The following LRIG2 variants were observed in gnomAD, a reference collection of about 807,000 sequenced individuals.
LRIG2 encodes the protein leucine-rich repeats and immunoglobulin-like domains protein 2.
Under a neutral mutation model 107.8 loss-of-function variants are expected in LRIG2, and 93 were observed. That is an observed-to-expected ratio of 0.86 (90% CI 0.73 to 1.03). The LOEUF is 1.03. LRIG2 is among the 50% of genes least tolerant of loss of function. LRIG2 has a pLI of 0.00. For synonymous variants in LRIG2, 471 were observed against 470.6 expected (o/e 1.00, Z -0.01); for missense variants, 1,226 against 1,296.0 (o/e 0.95, Z 0.83).
At chr1:113,105,454 A>G (rs1654501275) in intron 11 of LRIG2, among the ~76,000 whole-genome samples, 1 of 152,174 alleles carries the variant, frequency 6.6e-6, no homozygotes, top group African/African-American at 2.4e-5. Flanking sequence ...AATGGAAAGT[A>G]TTTTAAAATT....
chr1:113,129,291 C>CA lies in LRIG2; in HGVS notation c.*5191dup, dbSNP rs1348892155. 46 of 114,782 alleles carry CA rather than the reference C, an allele frequency of 4.0e-4. No homozygotes were observed. Among genetic ancestry groups the CA allele is most frequent in the African/African-American group, 1.3e-3 (39 of 30,476 alleles). The allele number at this position is 114,782 out of a possible 1,614,324, so 7.1% of individuals were successfully genotyped here. A position where few individuals can be genotyped will look rare whatever the true frequency, so the allele number is the denominator to read the frequency against. ...GCACCACTGCACTCCAGCCTGGTGACAGAGTGAGACTCCGTCTCAAAAAAA... is the reference window on the plus strand; with the variant it reads ...GCACCACTGCACTCCAGCCTGGTGACAAGAGTGAGACTCCGTCTCAAAAAAA... On this transcript the variant is annotated 3_prime_UTR_variant, in exon 18 of 18. Coordinates refer to ENST00000361127, the MANE Select transcript of LRIG2 (RefSeq NM_014813.3).
At chr1:113,094,213 A>G in intron 4 of LRIG2, 126 bp from the exon 5 acceptor site, 2 of 601,352 alleles carry the variant, frequency 3.3e-6, no homozygotes, top group African/African-American at 1.9e-5. Context: ...TAAATGATTT[A>G]TAAAGTTGTG....
At chr1:113,095,487 C>T (rs1372370188) in intron 6 of LRIG2, among the ~76,000 whole-genome samples, 2 of 151,832 alleles carry the variant, frequency 1.3e-5, no homozygotes, top group South Asian at 2.1e-4. Context: ...CGGCTCACTG[C>T]AACCTCTGCC....
intron 1 of LRIG2, among the ~76,000 whole-genome samples, chr1:113,086,000 GTTTTTTT>G (rs34131524): frequency 1.5e-5 from 1 of 65,002 alleles, no homozygotes; most frequent in South Asian, 7.7e-4. Context: ...TAACCCTGAG[GTTTTTTT>G]TTTTTTTTTT....
rs188225770 is a variant in LRIG2 at position 113,122,927 on chromosome 1, T to C, written c.2972-948T>C. Among the ~76,000 whole-genome samples, 198 of 152,362 alleles carry C rather than the reference T, an allele frequency of 1.3e-3. 1 individual carries two copies. The Middle Eastern group carries it at 0.02, about 16-fold the overall frequency. ...TCTGGGTATTTGTTTTTATAATGTT[T>C]GGCTAGCTTTTTCTAAAATGTACCC... On this transcript the variant is annotated intron_variant, in intron 17 of 17. Transcript: ENST00000361127.
chr1:113,114,900 T>C, intron 15 of LRIG2, 24 bp downstream of exon 15: 1 of 1,543,686 alleles, frequency 6.5e-7, no homozygotes, highest in Middle Eastern at 1.8e-4. Context: ...ACATGACACC[T>C]ATGGCTTGTA....
rs1570788409 is a variant in LRIG2, at chr1:113,130,225, T to C, written c.*6124T>C. 2 of 152,052 alleles carry C rather than the reference T, an allele frequency of 1.3e-5. No individual in the cohort carries two copies. The highest frequency in any genetic ancestry group is 4.1e-4 in the South Asian group (2 of 4,826). The allele number at this position is 152,052 out of a possible 1,614,324, so 9.4% of individuals were successfully genotyped here. ...ATACAAGCTACTCTCCTGAAAAAAA[T>C]AGCAGGAACCCATTCCAATGTCCAA... is the stretch of plus-strand genomic sequence containing the variant. On this transcript the variant is annotated 3_prime_UTR_variant, in exon 18 of 18. Coordinates refer to ENST00000361127, the MANE Select transcript of LRIG2 (RefSeq NM_014813.3).
At chr1:113,103,733 A>G (rs911606784) in intron 11 of LRIG2, 2 of 152,408 alleles carry the variant, frequency 1.3e-5, no homozygotes, top group Non-Finnish European at 2.9e-5. Flanking sequence ...CGGGGATCCA[A>G]TGGTGAGTCA....
intron 1 of LRIG2, among the ~76,000 whole-genome samples, chr1:113,079,684 GAAAAA>G (rs1305584315): frequency 5.2e-5 from 7 of 133,434 alleles, no homozygotes; most frequent in South Asian, 5.1e-4. Context: ...AAAAAAAAAA[GAAAAA>G]AAGAAAAGAA....
chr1:113,123,979 G>T lies in LRIG2; in HGVS notation c.3076G>T (p.Glu1026Ter). The change falls in exon 18 of 18, where the codon GAG becomes TAG. Residue 1026 changes from glutamate (E) to a stop codon, truncating the protein, a stop_gained. Coordinates refer to ENST00000361127, the MANE Select transcript of LRIG2 (RefSeq NM_014813.3). LOFTEE classifies it high-confidence loss of function. Reference sequence around the variant, plus strand: ...TGAGTCACCACAACTTCATCAAAATGAGGGCCTGGCAGGGAGAGAGCCAGA... The same window carrying T: ...TGAGTCACCACAACTTCATCAAAATTAGGGCCTGGCAGGGAGAGAGCCAGA... ...VHESPQLHQN[E>*]GLAGREPDCS... 6.2e-7 allele frequency: 1 copy of T among 1,614,120 alleles called. No homozygotes were observed. Among genetic ancestry groups the T allele is most frequent in the Non-Finnish European group, 8.5e-7 (1 of 1,180,030 alleles).
intron 1 of LRIG2, among the ~76,000 whole-genome samples, chr1:113,074,733 C>G (rs577559813): frequency 1.3e-3 from 194 of 151,010 alleles, no homozygotes; most frequent in African/African-American, 4.5e-3. Context: ...ATGGTGAAAC[C>G]CCGTCTCTAC....
Position 113,100,237 on chromosome 1 carries a change from C to G in LRIG2, c.1199C>G (p.Ser400Ter), listed in dbSNP as rs1654248194. 6.3e-7 allele frequency: 1 copy of G among 1,586,652 alleles called. No homozygotes were observed. The highest frequency in any genetic ancestry group is 1.3e-5 in the African/African-American group (1 of 74,484). Residue 400 changes from serine (S) to a stop codon, truncating the protein, a stop_gained, in exon 10 of 18, where the codon TCA becomes TGA. Coordinates refer to ENST00000361127, the MANE Select transcript of LRIG2 (RefSeq NM_014813.3). LOFTEE classifies it high-confidence loss of function. ...KLILQGNQIK[S>*]ITKKAFIGLE... ...ATCTTACAAGGAAACCAGATTAAGT[C>G]AATTACAAAGAAAGCATTCATTGGT...
Position 113,074,671 on chromosome 1 carries a change from G to A in LRIG2, c.239+1026G>A, listed in dbSNP as rs374462619. ...CGCCTGTAATCCCAGCACTTTGGGAGGCCGAGGCGGGCCGATCACGAGGTC... is the reference window on the plus strand; with the variant it reads ...CGCCTGTAATCCCAGCACTTTGGGAAGCCGAGGCGGGCCGATCACGAGGTC... On this transcript the variant is annotated intron_variant, in intron 1 of 17. Transcript: ENST00000361127. 2.7e-3 allele frequency among the ~76,000 whole-genome samples: 412 copies of A among 152,272 alleles called. 2 individuals carry two copies. The highest frequency in any genetic ancestry group is 8.8e-3 in the African/African-American group (364 of 41,566).
rs61752551 is a variant in LRIG2, at chr1:113,110,452, G to C, written c.1688G>C (p.Ser563Thr). 2,061 of 1,613,774 alleles carry C rather than the reference G, an allele frequency of 1.3e-3. 26 individuals carry two copies. The African/African-American group carries it at 0.025, about 19-fold the overall frequency. ...GCTGGAGAAGCTCTGGAATATACTA[G>C]TATCTTACATCTTTTCAATGTGAAT... ...QQAGEALEYT[S>T]ILHLFNVNFT... is the part of the protein sequence containing the mutation. The change falls in exon 13 of 18, where the codon AGT (serine) becomes ACT (threonine). Residue 563 changes from serine to threonine, a missense_variant. Physicochemically the swap from Ser to Thr is moderately conservative, Grantham distance 58 (BLOSUM62 1). This residue lies in a region of LRIG2 where 642 missense variants were observed against 712.2 expected (regional missense o/e 0.90). Transcript: ENST00000361127.
At chr1:113,077,469 G>C (rs1653033700) in intron 1 of LRIG2, among the ~76,000 whole-genome samples, 1 of 152,154 alleles carries the variant, frequency 6.6e-6, no homozygotes, top group East Asian at 1.9e-4. Context: ...TCTTGGATCA[G>C]TATTGGGAAC....
chr1:113,096,044 A>G, intron 7 of LRIG2, 27 bp downstream of exon 7: 2 of 1,613,844 alleles, frequency 1.2e-6, no homozygotes, highest in South Asian at 2.2e-5. Flanking sequence ...ATTTCACTGG[A>G]GGCAGTTAAG....
rs552338485 is a variant in LRIG2, at chr1:113,128,104, A to G, written c.*4003A>G. ...GTCCTGGTTCAAGGGTTCCAAACTC[A>G]CATAATTTCTCAACTTTTTGCCAGA... On this transcript the variant is annotated 3_prime_UTR_variant, in exon 18 of 18. Coordinates refer to ENST00000361127, the MANE Select transcript of LRIG2 (RefSeq NM_014813.3). The G allele has an allele frequency of 5.9e-5, 9 of 152,208 alleles. No homozygotes were observed. The highest frequency in any genetic ancestry group is 1.3e-4 in the Non-Finnish European group (9 of 68,042). The allele number at this position is 152,208 out of a possible 1,614,324, so 9.4% of individuals were successfully genotyped here. A position where few individuals can be genotyped will look rare whatever the true frequency, so the allele number is the denominator to read the frequency against.
chr1:113,090,550 T>G (rs1188769382), intron 1 of LRIG2, among the ~76,000 whole-genome samples: 1 of 152,026 alleles, frequency 6.6e-6, no homozygotes, highest in East Asian at 1.9e-4. Context: ...TTAAAAAAAT[T>G]TTTTTGGCTG....
intron 17 of LRIG2, among the ~76,000 whole-genome samples, chr1:113,120,032 A>T (rs954767324): frequency 1.3e-5 from 2 of 151,370 alleles, no homozygotes; most frequent in African/African-American, 4.9e-5. Context: ...CTGGTCATGA[A>T]CTCCTGACCT....
Sources: gnomAD v4.1 joint callset for allele counts (sites outside exome capture counted in the v4.1 genomes callset) on GRCh38, gnomAD v4.1.1 for gene constraint, gnomAD v4.1.1 regional missense constraint, MANE v1.5 for transcripts, NCBI Gene and HGNC (gene_info 2026-07-23, HGNC 2026-07-21) for gene names.